Variants in ARRB1 observed in about 807,000 individuals in gnomAD.
ARRB1 encodes arrestin beta 1.
A neutral mutation model predicts 56.8 loss-of-function variants in ARRB1; 21 were observed. That is an observed-to-expected ratio of 0.37 (90% CI 0.26 to 0.53). The LOEUF (loss-of-function observed/expected upper bound fraction) is 0.53, where lower values mean the gene tolerates loss of function less well. Ranked by LOEUF, ARRB1 falls within the 20% of genes least tolerant of loss-of-function variation. The probability of loss-of-function intolerance (pLI) is 0.88; values close to 1 mark genes in which losing one functional copy is unlikely to be tolerated. For synonymous variants in ARRB1, 210 were observed against 218.6 expected (o/e 0.96, Z 0.35); for missense variants, 424 against 553.7 (o/e 0.77, Z 2.35).
At chr11:75,345,022 C>T (rs1458841259) in intron 1 of ARRB1, among the ~76,000 whole-genome samples, 2 of 152,174 alleles carry the variant, frequency 1.3e-5, no homozygotes, top group East Asian at 3.9e-4. Flanking sequence ...GTGCTGAAGG[C>T]CCTTTAGACC....
chr11:75,320,994 CA>C (rs113790622), intron 1 of ARRB1, among the ~76,000 whole-genome samples: 21,294 of 152,108 alleles, frequency 0.14, 1,940 homozygotes, highest in African/African-American at 0.24. Context: ...GCCCTCAACA[CA>C]ACACACGTGC....
intron 7 of ARRB1, among the ~76,000 whole-genome samples, chr11:75,279,253 G>A (rs898552187): frequency 6.6e-6 from 1 of 152,196 alleles, no homozygotes; most frequent in Non-Finnish European, 1.5e-5. Context: ...CTATGCAGAG[G>A]GGACAGCGGT....
intron 1 of ARRB1, among the ~76,000 whole-genome samples, chr11:75,315,805 G>A (rs569580584): frequency 2.0e-5 from 3 of 148,636 alleles, no homozygotes; most frequent in South Asian, 4.2e-4. Flanking sequence ...AAGGCACACT[G>A]TGGACCCCCA....
At chr11:75,299,327 C>A (rs1461487066) in intron 1 of ARRB1, among the ~76,000 whole-genome samples, 1 of 151,822 alleles carries the variant, frequency 6.6e-6, no homozygotes, top group Non-Finnish European at 1.5e-5. Context: ...ACTCCGCCCA[C>A]CCACACGCTT....
At chr11:75,334,855 C>T (rs1300552986) in intron 1 of ARRB1, among the ~76,000 whole-genome samples, 1 of 152,020 alleles carries the variant, frequency 6.6e-6, no homozygotes, top group Non-Finnish European at 1.5e-5. Context: ...GCACCAACAT[C>T]CTAGCCCAAA....
At position 75,277,451 on chromosome 11, in the gene ARRB1, G is replaced by T. The variant is rs775119841; in HGVS notation, c.619-3C>A. 1 of 1,613,770 alleles carries T rather than the reference G, an allele frequency of 6.2e-7. No homozygotes were observed. The highest frequency in any genetic ancestry group is 8.5e-7 in the Non-Finnish European group (1 of 1,179,672). ...ATGGGTTCTCCATGGTAATAGATCT[G>T]GGGGGCATAAGAAGGGACGGGGTTG... On this transcript the variant is annotated splice_region_variant and splice_polypyrimidine_tract_variant and intron_variant, in intron 8 of 15. Transcript: ENST00000420843.
chr11:75,289,928 T>G (rs531222147), intron 2 of ARRB1, 81 bp downstream of exon 2: 3 of 1,598,368 alleles, frequency 1.9e-6, no homozygotes, highest in African/African-American at 1.3e-5. Flanking sequence ...TCAGGGGACA[T>G]GCCGTTTCCT....
intron 1 of ARRB1, chr11:75,306,783 C>T: frequency 1.2e-6 from 1 of 800,448 alleles, no homozygotes; most frequent in Non-Finnish European, 1.7e-6. Flanking sequence ...TCCTCTCCTC[C>T]TCCGGGCTTC....
intron 5 of ARRB1, chr11:75,282,267 T>C (rs1366382871): frequency 2.2e-6 from 1 of 451,390 alleles, no homozygotes; most frequent in Non-Finnish European, 4.0e-6. Context: ...CTTTCTATGA[T>C]GTCTACTGTG....
In ARRB1 at chr11:75,321,894, G is replaced by A. The variant is rs868859066; in HGVS notation, c.20+29694C>T. On this transcript the variant is annotated intron_variant, in intron 1 of 15. Coordinates refer to ENST00000420843, the MANE Select transcript of ARRB1 (RefSeq NM_004041.5). ...GGGCCCTGTCTACATAAAGCTTCCC[G>A]TCTGGCCAGGGAAACTGCAGGGCTC... Among the ~76,000 whole-genome samples the A allele has an allele frequency of 5.9e-5, 9 of 152,192 alleles. No individual in the cohort carries two copies. The South Asian group carries it at 1.0e-3, about 18-fold the overall frequency.
chr11:75,269,624 A>C (rs1192896605), intron 13 of ARRB1, among the ~76,000 whole-genome samples: 1 of 152,218 alleles, frequency 6.6e-6, no homozygotes, highest in Non-Finnish European at 1.5e-5. Flanking sequence ...TGGACAGAAT[A>C]AGAGAAGGTA....
At chr11:75,266,421 C>T in intron 15 of ARRB1, 147 bp from the exon 16 acceptor site, 1 of 660,806 alleles carries the variant, frequency 1.5e-6, no homozygotes, top group Non-Finnish European at 2.7e-6. Flanking sequence ...CTGGGGCTGA[C>T]CATGAGCAGA....
chr11:75,279,728 C>T (rs1323133693), intron 7 of ARRB1, among the ~76,000 whole-genome samples: 2 of 152,108 alleles, frequency 1.3e-5, no homozygotes, highest in African/African-American at 2.4e-5. Context: ...AGTGCAGTGG[C>T]GCAATCTCAG....
At position 75,263,756 on chromosome 11, in the gene ARRB1, A is replaced by G. The variant is rs946162274; in HGVS notation, c.*2407T>C. Among the ~76,000 whole-genome samples, 1 of 151,380 alleles carries G rather than the reference A, an allele frequency of 6.6e-6. No individual in the cohort carries two copies. The highest frequency in any genetic ancestry group is 6.6e-5 in the Admixed American group (1 of 15,166). On this transcript the variant is annotated 3_prime_UTR_variant, in exon 16 of 16. Coordinates refer to ENST00000420843, the MANE Select transcript of ARRB1 (RefSeq NM_004041.5). ...GCTCCAGGAGAAAAAAAAAAAAAAAAGATAGTGCTCTGATCCTTCCCTGCA... is the reference window on the plus strand; with the variant it reads ...GCTCCAGGAGAAAAAAAAAAAAAAAGGATAGTGCTCTGATCCTTCCCTGCA...
chr11:75,298,906 A>G (rs147847535), intron 1 of ARRB1, among the ~76,000 whole-genome samples: 1,946 of 151,080 alleles, frequency 0.013, 35 homozygotes, highest in African/African-American at 0.043. Flanking sequence ...TGAAAACATT[A>G]TGTTAAGTAA....
intron 3 of ARRB1, among the ~76,000 whole-genome samples, chr11:75,286,656 A>G (rs1236954373): frequency 6.6e-6 from 1 of 152,176 alleles, no homozygotes; most frequent in Admixed American, 6.5e-5. Flanking sequence ...AGCCTATAAC[A>G]CACAGGACAG....
chr11:75,316,256 G>A (rs886136991), intron 1 of ARRB1, among the ~76,000 whole-genome samples: 5 of 151,928 alleles, frequency 3.3e-5, no homozygotes, highest in South Asian at 2.1e-4. Context: ...GAACCCGGGA[G>A]GCAGAGGTTG....
chr11:75,273,487 AG>A (rs1189746422), intron 11 of ARRB1, among the ~76,000 whole-genome samples: 1 of 152,186 alleles, frequency 6.6e-6, no homozygotes, highest in Non-Finnish European at 1.5e-5. Flanking sequence ...GAGGCTGTGC[AG>A]GGGCTGCTGA....
intron 1 of ARRB1, among the ~76,000 whole-genome samples, chr11:75,300,294 TGA>T (rs1398132518): frequency 6.6e-6 from 1 of 152,008 alleles, no homozygotes; most frequent in Non-Finnish European, 1.5e-5. Context: ...CTGCTGTAAG[TGA>T]GTTACAAATA....
Sources: gnomAD v4.1 joint callset for allele counts (sites outside exome capture counted in the v4.1 genomes callset) on GRCh38, gnomAD v4.1.1 for gene constraint, MANE v1.5 for transcripts, NCBI Gene and HGNC (gene_info 2026-07-23, HGNC 2026-07-21) for gene names.